The following FREM1 variants were observed in gnomAD, a reference collection of about 807,000 sequenced individuals.
FREM1 encodes the protein FRAS1 related extracellular matrix 1.
A neutral mutation model predicts 210.1 loss-of-function variants in FREM1; 220 were observed. The ratio of observed to expected loss-of-function variants is 1.05; its 90% CI spans 0.94 to 1.17. The LOEUF is 1.17. FREM1 is among the 50% of genes most tolerant of loss of function. The pLI, the probability that FREM1 is intolerant of heterozygous loss-of-function variation, is 0.00. For missense variants in FREM1, 3,454 were observed against 2,675.5 expected (o/e 1.29, Z -6.42); for synonymous variants, 1,189 against 980.2 (o/e 1.21, Z -3.98).
At chr9:14,833,080 T>C (rs913492402) in intron 10 of FREM1, among the ~76,000 whole-genome samples, 11 of 152,126 alleles carry the variant, frequency 7.2e-5, no homozygotes, top group African/African-American at 2.4e-4. Context: ...CATTTTACCG[T>C]GGTGGCTGTC....
chr9:14,838,889 G>C (rs534727764), intron 10 of FREM1, among the ~76,000 whole-genome samples: 3 of 152,176 alleles, frequency 2.0e-5, no homozygotes, highest in Non-Finnish European at 4.4e-5. Context: ...TCCTGCCTGA[G>C]GGTTTGTGGA....
intron 19 of FREM1, among the ~76,000 whole-genome samples, chr9:14,803,745 T>G (rs1817788963): frequency 6.6e-6 from 1 of 152,130 alleles, no homozygotes; most frequent in Non-Finnish European, 1.5e-5. Context: ...ATTGAACATG[T>G]GTTAACAAAA....
chr9:14,816,335 G>T (rs1302770105), intron 15 of FREM1, among the ~76,000 whole-genome samples: 7 of 152,140 alleles, frequency 4.6e-5, no homozygotes, highest in Non-Finnish European at 1.0e-4. Context: ...ATCGAAGCAG[G>T]TATCCTCTCA....
In FREM1 at chr9:14,740,352, A is replaced by AG. The variant is rs200016257; in HGVS notation, c.6255-119_6255-118insC. On this transcript the variant is annotated intron_variant, in intron 35 of 36. Transcript: ENST00000380880. ...TACACAAAAAAGTAGGTCTTTAAAA[A>AG]AACTTTCTAAGATTTTAATAGTGCA... 3,596 of 727,164 alleles carry AG rather than the reference A, an allele frequency of 4.9e-3. 106 individuals carry two copies. In the African/African-American group the frequency reaches 0.058, roughly 12 times the overall value. The allele number at this position is 727,164 out of a possible 1,614,324, so 45.0% of individuals were successfully genotyped here.
chr9:14,813,131 C>A, intron 15 of FREM1, 67 bp from the exon 16 acceptor site: 1 of 1,482,044 alleles, frequency 6.7e-7, no homozygotes, highest in Non-Finnish European at 9.2e-7. Flanking sequence ...GACAGGTAAT[C>A]CATTGCTCAT....
Position 14,899,125 on chromosome 9 carries a change from A to C in FREM1, c.-268+10789T>G, listed in dbSNP as rs114251214. Among the ~76,000 whole-genome samples, 602 of 152,310 alleles carry C rather than the reference A, an allele frequency of 4.0e-3. 7 individuals carry two copies. Among genetic ancestry groups the C allele is most frequent in the African/African-American group, 0.014 (571 of 41,568 alleles). ...CAAAAAGGAACAAGGCAAATCACAG[A>C]GAGTTTTTGTTCATCATGCTTCCGG... On this transcript the variant is annotated intron_variant, in intron 1 of 36. Transcript: ENST00000380880.
chr9:14,862,085 C>G (rs1588451900), intron 3 of FREM1, among the ~76,000 whole-genome samples: 1 of 152,202 alleles, frequency 6.6e-6, no homozygotes, highest in East Asian at 1.9e-4. Flanking sequence ...TCATATCTTC[C>G]TAAGGAATCC....
At chr9:14,753,989 C>T (rs763881816) in intron 29 of FREM1, among the ~76,000 whole-genome samples, 10 of 152,154 alleles carry the variant, frequency 6.6e-5, no homozygotes, top group African/African-American at 9.7e-5. Flanking sequence ...GTGAGCTCTT[C>T]TAGACAAATG....
At chr9:14,888,184 T>C (rs1313507637) in intron 1 of FREM1, among the ~76,000 whole-genome samples, 1 of 152,154 alleles carries the variant, frequency 6.6e-6, no homozygotes, top group Non-Finnish European at 1.5e-5. Context: ...CCTACTATGG[T>C]TTTAGGAGGT....
chr9:14,903,335 T>C (rs959446803), intron 1 of FREM1, among the ~76,000 whole-genome samples: 14 of 152,196 alleles, frequency 9.2e-5, no homozygotes, highest in Admixed American at 3.9e-4. Flanking sequence ...GAATGACTGA[T>C]GAGGAAAGCA....
chr9:14,761,289 G>A (rs1421751078), intron 27 of FREM1, among the ~76,000 whole-genome samples: 3 of 152,162 alleles, frequency 2.0e-5, no homozygotes, highest in Non-Finnish European at 4.4e-5. Flanking sequence ...TCATAGCTGA[G>A]CATCATGGGC....
chr9:14,768,042 G>A (rs1846764569), intron 27 of FREM1, among the ~76,000 whole-genome samples: 1 of 152,140 alleles, frequency 6.6e-6, no homozygotes, highest in Non-Finnish European at 1.5e-5. Context: ...ATATGAATTT[G>A]AGAGTATATT....
chr9:14,841,581 C>T lies in FREM1; in HGVS notation c.1747G>A (p.Val583Ile). The stretch of plus-strand genomic sequence containing the variant: ...AAATCCCTCTGAAGGAAGCCATGGA[C>T]AGGATAGCCTATTGGGTCCATAAAA... ...KPGPGLIGYP[V>I]HGFLQRDLFN... The change falls in exon 10 of 37, where the codon GTC (valine) becomes ATC (isoleucine). Residue 583 changes from valine (V) to isoleucine (I), a missense_variant. Val to Ile is a conservative substitution (Grantham distance 29). Transcript: ENST00000380880. The T allele has an allele frequency of 6.2e-7, 1 of 1,602,610 alleles. No homozygotes were observed. The highest frequency in any genetic ancestry group is 8.5e-7 in the Non-Finnish European group (1 of 1,172,028).
chr9:14,866,964 A>T (rs543576209), intron 2 of FREM1, among the ~76,000 whole-genome samples: 1 of 151,828 alleles, frequency 6.6e-6, no homozygotes, highest in East Asian at 1.9e-4. Context: ...GGTTCAAGCG[A>T]TTCTTGTGTC....
Position 14,842,498 on chromosome 9 carries a change from T to C in FREM1, c.1556A>G (p.Asp519Gly), listed in dbSNP as rs369806990. The change falls in exon 9 of 37, where the codon GAT (aspartate) becomes GGT (glycine). Residue 519 changes from aspartate to glycine, a missense_variant. Coordinates refer to ENST00000380880, the MANE Select transcript of FREM1 (RefSeq NM_001379081.2). ...ATTGGTTATGAGGAACGGGGGACTA[T>C]CATCTTTGGGCAAGACGTTGATGGG... ...KFPINVLPKD[D>G]SPPFLITNVV... 5 of 1,613,896 alleles carry C rather than the reference T, an allele frequency of 3.1e-6. No homozygotes were observed. In the African/African-American group the frequency reaches 5.3e-5, roughly 17 times the overall value.
intron 6 of FREM1, among the ~76,000 whole-genome samples, chr9:14,849,554 G>A (rs1827289905): frequency 6.6e-6 from 1 of 152,180 alleles, no homozygotes; most frequent in Non-Finnish European, 1.5e-5. Flanking sequence ...GTCCATGGAA[G>A]AGGATAAGAT....
chr9:14,804,883 A>G, intron 19 of FREM1, 73 bp downstream of exon 19: 1 of 1,138,256 alleles, frequency 8.8e-7, no homozygotes. Context: ...ACTTGGAGCA[A>G]TGTAAATGGA....
chr9:14,866,620 T>C (rs1284429678), intron 2 of FREM1, among the ~76,000 whole-genome samples: 1 of 152,228 alleles, frequency 6.6e-6, no homozygotes, highest in Non-Finnish European at 1.5e-5. Flanking sequence ...TCCTGCGAGC[T>C]ACCAGTGGGA....
intron 10 of FREM1, among the ~76,000 whole-genome samples, chr9:14,840,421 G>C (rs1286311224): frequency 6.6e-6 from 1 of 152,164 alleles, no homozygotes; most frequent in African/African-American, 2.4e-5. Context: ...CACATGGCTG[G>C]GGAGGTCTCA....
Sources: allele counts gnomAD v4.1 joint callset (sites outside exome capture counted in the v4.1 genomes callset), GRCh38; gene constraint gnomAD v4.1.1; transcripts MANE v1.5; gene names NCBI Gene and HGNC (gene_info 2026-07-23, HGNC 2026-07-21).